THSD4: variants seen among roughly 807,000 people sequenced by gnomAD.
THSD4 encodes the protein thrombospondin type 1 domain containing 4, also known as thrombospondin type-1 domain-containing protein 4.
Under a neutral mutation model 119.0 loss-of-function variants are expected in THSD4, and 69 were observed. The observed-to-expected ratio is 0.58, with a 90% confidence interval of 0.48 to 0.71. The LOEUF (loss-of-function observed/expected upper bound fraction) is 0.71, where lower values mean the gene tolerates loss of function less well. Ranked by LOEUF, THSD4 falls within the 30% of genes least tolerant of loss-of-function variation. The probability of loss-of-function intolerance (pLI) is 0.00; values close to 1 mark genes in which losing one functional copy is unlikely to be tolerated. For synonymous variants in THSD4, 524 were observed against 540.4 expected, an observed-to-expected ratio of 0.97 and a Z score of 0.42; for missense variants, 1,393 against 1,391.1, an observed-to-expected ratio of 1.00 and a Z score of -0.02.
chr15:71,398,691 A>C (rs962174423), intron 6 of THSD4, among the ~76,000 whole-genome samples: 18 of 152,068 alleles, frequency 1.2e-4, no homozygotes, highest in Non-Finnish European at 2.5e-4. Flanking sequence ...AACCCAGCAG[A>C]AGATTGAAAG....
At chr15:71,330,244 C>T (rs900703021) in intron 6 of THSD4, among the ~76,000 whole-genome samples, 1 of 152,050 alleles carries the variant, frequency 6.6e-6, no homozygotes, top group Non-Finnish European at 1.5e-5. Flanking sequence ...ATCTGAGCTC[C>T]CCCACTTCCT....
chr15:71,490,559 CAAAAAA>C (rs11408465), intron 7 of THSD4, among the ~76,000 whole-genome samples: 5 of 90,920 alleles, frequency 5.5e-5, no homozygotes, highest in Admixed American at 1.2e-4. Flanking sequence ...GACTCCGTCT[CAAAAAA>C]AAAAAAAAAA....
intron 7 of THSD4, among the ~76,000 whole-genome samples, chr15:71,556,492 A>G (rs899434166): frequency 2.6e-5 from 4 of 152,116 alleles, no homozygotes; most frequent in African/African-American, 9.7e-5. Context: ...CATGTTTGTA[A>G]TGCTGGTAGC....
At chr15:71,139,249 A>G (rs796333389) in intron 1 of THSD4, among the ~76,000 whole-genome samples, 3 of 152,310 alleles carry the variant, frequency 2.0e-5, no homozygotes, top group African/African-American at 7.2e-5. Flanking sequence ...TCTGGATAAT[A>G]ACACCATCAT....
intron 4 of THSD4, among the ~76,000 whole-genome samples, chr15:71,226,059 T>C (rs2044016208): frequency 6.6e-6 from 1 of 152,078 alleles, no homozygotes; most frequent in Non-Finnish European, 1.5e-5. Context: ...ACCCCTGGGC[T>C]GGGAATCATT....
At chr15:71,142,916 G>A (rs1469935627) in intron 2 of THSD4, among the ~76,000 whole-genome samples, 1 of 152,194 alleles carries the variant, frequency 6.6e-6, no homozygotes, top group Non-Finnish European at 1.5e-5. Context: ...TACATATGAT[G>A]GTGCCACAGG....
At chr15:71,385,670 T>G (rs1262997217) in intron 6 of THSD4, among the ~76,000 whole-genome samples, 1 of 152,248 alleles carries the variant, frequency 6.6e-6, no homozygotes, top group Non-Finnish European at 1.5e-5. Flanking sequence ...TGAGACTCAG[T>G]TATCTGTTAC....
rs147056150 is a variant in THSD4 at position 71,599,185 on chromosome 15, A to G, written c.1153-61345A>G. Among the ~76,000 whole-genome samples, 91 of 152,298 alleles carry G rather than the reference A, an allele frequency of 6.0e-4. 1 individual carries two copies. Among genetic ancestry groups the G allele is most frequent in the South Asian group, 4.1e-3 (20 of 4,828 alleles). ...AGCTAAATTGTAAATCTTTGAGACTATGTTTTATATTTCTTTGGAATCCAA... is the reference window on the plus strand; with the variant it reads ...AGCTAAATTGTAAATCTTTGAGACTGTGTTTTATATTTCTTTGGAATCCAA... On this transcript the variant is annotated intron_variant, in intron 7 of 17. Transcript: ENST00000261862.
At chr15:71,617,864 C>T (rs1208046349) in intron 7 of THSD4, among the ~76,000 whole-genome samples, 1 of 152,174 alleles carries the variant, frequency 6.6e-6, no homozygotes, top group African/African-American at 2.4e-5. Context: ...TTATGTAAAA[C>T]AAAATTGAAT....
intron 15 of THSD4, among the ~76,000 whole-genome samples, chr15:71,761,987 T>G (rs978335141): frequency 6.6e-6 from 1 of 152,170 alleles, no homozygotes. Context: ...CTGAAGCACA[T>G]GAGTTTTGCT....
At chr15:71,494,883 A>T (rs1320133394) in intron 7 of THSD4, among the ~76,000 whole-genome samples, 1 of 152,194 alleles carries the variant, frequency 6.6e-6, no homozygotes, top group Non-Finnish European at 1.5e-5. Flanking sequence ...AAATCGACAT[A>T]TTTTTGGCAT....
chr15:71,492,459 A>G (rs938948594), intron 7 of THSD4, among the ~76,000 whole-genome samples: 4 of 149,990 alleles, frequency 2.7e-5, no homozygotes, highest in East Asian at 3.9e-4. Flanking sequence ...TTGTTTTTGT[A>G]TTTTTAATAG....
chr15:71,529,721 A>C (rs2048581293), intron 7 of THSD4, among the ~76,000 whole-genome samples: 1 of 152,218 alleles, frequency 6.6e-6, no homozygotes, highest in African/African-American at 2.4e-5. Flanking sequence ...TATCCTATAT[A>C]CTTTTATGTT....
At chr15:71,141,032 T>G (rs1022175758) in intron 1 of THSD4, among the ~76,000 whole-genome samples, 4 of 152,270 alleles carry the variant, frequency 2.6e-5, no homozygotes, top group African/African-American at 9.6e-5. Flanking sequence ...GTATGAGTAC[T>G]TTATTTCTTT....
intron 7 of THSD4, among the ~76,000 whole-genome samples, chr15:71,653,508 G>C (rs1459568938): frequency 6.6e-6 from 1 of 152,160 alleles, no homozygotes; most frequent in East Asian, 1.9e-4. Context: ...GCATCTGGTG[G>C]GTAGAAGCCA....
At chr15:71,260,882 C>T (rs2044388661) in intron 6 of THSD4, among the ~76,000 whole-genome samples, 1 of 152,164 alleles carries the variant, frequency 6.6e-6, no homozygotes, top group African/African-American at 2.4e-5. Context: ...AGGTTGATCA[C>T]CTGAGGTCGG....
At chr15:71,182,087 TTTGAG>T (rs1177594384) in intron 3 of THSD4, among the ~76,000 whole-genome samples, 56 of 147,396 alleles carry the variant, frequency 3.8e-4, no homozygotes, top group South Asian at 9.1e-4. Flanking sequence ...TACATTGACT[TTTGAG>T]TGTTCCTTCT....
intron 6 of THSD4, among the ~76,000 whole-genome samples, chr15:71,287,358 T>A (rs1205159990): frequency 6.6e-6 from 1 of 152,206 alleles, no homozygotes; most frequent in African/African-American, 2.4e-5. Flanking sequence ...CTGAAAATAA[T>A]CTTATTATCC....
intron 6 of THSD4, among the ~76,000 whole-genome samples, chr15:71,381,166 T>C (rs2046223426): frequency 6.6e-6 from 1 of 152,164 alleles, no homozygotes; most frequent in South Asian, 2.1e-4. Flanking sequence ...GCAGAACTTG[T>C]AATAAGGGAA....
Sources: allele counts gnomAD v4.1 joint callset (sites outside exome capture counted in the v4.1 genomes callset), GRCh38; gene constraint gnomAD v4.1.1; transcripts MANE v1.5; gene names NCBI Gene and HGNC (gene_info 2026-07-23, HGNC 2026-07-21).